Variants in MICU1 observed in about 807,000 individuals in gnomAD.
MICU1 encodes mitochondrial calcium uptake 1, also known as calcium uptake protein 1, mitochondrial.
Under a neutral mutation model 56.8 loss-of-function variants are expected in MICU1, and 45 were observed. The ratio of observed to expected loss-of-function variants is 0.79; its 90% CI spans 0.62 to 1.02. MICU1 has a LOEUF of 1.02. Among genes scored for constraint, MICU1 ranks in the 50% least tolerant of loss-of-function variants. MICU1 has a pLI of 0.00. For missense variants in MICU1, 504 were observed against 587.1 expected (o/e 0.86, Z 1.46); for synonymous variants, 186 against 195.1 (o/e 0.95, Z 0.39).
intron 9 of MICU1, among the ~76,000 whole-genome samples, chr10:72,410,265 T>C (rs1482606718): frequency 6.6e-6 from 1 of 152,220 alleles, no homozygotes; most frequent in Non-Finnish European, 1.5e-5. Context: ...TTGGGCTGTT[T>C]CCAATTTTTG....
intron 8 of MICU1, among the ~76,000 whole-genome samples, chr10:72,471,140 A>G (rs942184457): frequency 1.3e-5 from 2 of 152,096 alleles, no homozygotes; most frequent in Non-Finnish European, 2.9e-5. Context: ...GCTGGAGTGC[A>G]GTGGCGCAAT....
chr10:72,540,722 C>A (rs929328170), intron 4 of MICU1, among the ~76,000 whole-genome samples: 1 of 152,186 alleles, frequency 6.6e-6, no homozygotes, highest in African/African-American at 2.4e-5. Flanking sequence ...GATTACTGAT[C>A]TCAAATATTT....
chr10:72,593,925 T>C (rs1248185322), intron 1 of MICU1, among the ~76,000 whole-genome samples: 1 of 152,160 alleles, frequency 6.6e-6, no homozygotes, highest in African/African-American at 2.4e-5. Flanking sequence ...CTTAATACTG[T>C]TAAGATACAA....
intron 9 of MICU1, among the ~76,000 whole-genome samples, chr10:72,410,181 T>C (rs1040440254): frequency 6.6e-6 from 1 of 152,246 alleles, no homozygotes; most frequent in African/African-American, 2.4e-5. Flanking sequence ...TGTGTGTATC[T>C]GTAGTTCATT....
At chr10:72,428,647 C>T (rs1864426714) in intron 8 of MICU1, among the ~76,000 whole-genome samples, 1 of 152,114 alleles carries the variant, frequency 6.6e-6, no homozygotes, top group East Asian at 1.9e-4. Flanking sequence ...GAAAAAATTT[C>T]AGGTTGGTGA....
intron 3 of MICU1, among the ~76,000 whole-genome samples, chr10:72,558,403 CAGGCAA>C (rs1174278358): frequency 6.6e-6 from 1 of 152,136 alleles, no homozygotes; most frequent in African/African-American, 2.4e-5. Flanking sequence ...AGTCTGAAAA[CAGGCAA>C]AGCAATTAGG....
chr10:72,456,124 A>G (rs904996417), intron 8 of MICU1, among the ~76,000 whole-genome samples: 1 of 152,174 alleles, frequency 6.6e-6, no homozygotes, highest in Non-Finnish European at 1.5e-5. Context: ...CGGTGGGTTG[A>G]GAAAGGCAAT....
At chr10:72,505,232 G>A (rs971527982) in intron 6 of MICU1, among the ~76,000 whole-genome samples, 2 of 152,130 alleles carry the variant, frequency 1.3e-5, no homozygotes, top group South Asian at 4.1e-4. Context: ...GCCTGCCTTG[G>A]CCTCCCAAAG....
intron 1 of MICU1, among the ~76,000 whole-genome samples, chr10:72,618,074 G>A (rs575608400): frequency 2.6e-5 from 4 of 151,868 alleles, no homozygotes; most frequent in African/African-American, 9.7e-5. Context: ...GGCTGAGGCA[G>A]GAGATTCGCT....
At chr10:72,600,149 G>C (rs1426723000) in intron 1 of MICU1, among the ~76,000 whole-genome samples, 2 of 151,852 alleles carry the variant, frequency 1.3e-5, no homozygotes, top group African/African-American at 4.8e-5. Flanking sequence ...AAAATTAGCG[G>C]GACATGATGG....
Position 72,377,089 on chromosome 10 carries a change from C to T in MICU1, c.1181-1217G>A, listed in dbSNP as rs572897117. Among the ~76,000 whole-genome samples, 65 of 151,708 alleles carry T rather than the reference C, an allele frequency of 4.3e-4. 1 individual carries two copies. Among genetic ancestry groups the T allele is most frequent in the African/African-American group, 1.5e-3 (63 of 41,390 alleles). The stretch of plus-strand genomic sequence containing the variant: ...CCAACTGAGCCCATTGGTATATGCA[C>T]TGGCCCTTGTCTTAACAGTTCAGGA... On this transcript the variant is annotated intron_variant, in intron 10 of 11. Coordinates refer to ENST00000361114, the MANE Select transcript of MICU1 (RefSeq NM_001195518.2).
intron 5 of MICU1, among the ~76,000 whole-genome samples, chr10:72,522,855 T>C (rs1214033772): frequency 6.6e-6 from 1 of 152,186 alleles, no homozygotes; most frequent in African/African-American, 2.4e-5. Flanking sequence ...GTGATACTCA[T>C]AGAACACAAT....
chr10:72,611,081 G>A (rs530337012), intron 1 of MICU1, among the ~76,000 whole-genome samples: 17 of 152,118 alleles, frequency 1.1e-4, no homozygotes, highest in African/African-American at 3.6e-4. Flanking sequence ...GAGGCGGGCG[G>A]ATCACGAGGT....
chr10:72,424,529 C>T (rs184491618), intron 8 of MICU1, among the ~76,000 whole-genome samples: 1 of 151,834 alleles, frequency 6.6e-6, no homozygotes, highest in Admixed American at 6.6e-5. Flanking sequence ...TGTTGCCAGG[C>T]TGGTCTTGAA....
At chr10:72,528,517 G>A (rs1162201112) in intron 5 of MICU1, among the ~76,000 whole-genome samples, 1 of 152,122 alleles carries the variant, frequency 6.6e-6, no homozygotes, top group East Asian at 1.9e-4. Flanking sequence ...AAGAGAGAGA[G>A]GGAAAGACAT....
intron 8 of MICU1, among the ~76,000 whole-genome samples, chr10:72,463,363 G>A (rs1006801962): frequency 1.2e-4 from 18 of 151,944 alleles, no homozygotes; most frequent in Non-Finnish European, 2.2e-4. Flanking sequence ...GCGCCCGGCC[G>A]CACTTTTAAT....
intron 1 of MICU1, among the ~76,000 whole-genome samples, chr10:72,608,231 G>A (rs944576959): frequency 4.6e-5 from 7 of 152,002 alleles, no homozygotes; most frequent in South Asian, 2.1e-4. Flanking sequence ...ACCAAGCCCC[G>A]CTAATTTTTG....
chr10:72,593,151 C>A (rs1179220445), intron 1 of MICU1, among the ~76,000 whole-genome samples: 1 of 151,994 alleles, frequency 6.6e-6, no homozygotes, highest in East Asian at 1.9e-4. Flanking sequence ...TCAAAATAAG[C>A]CATATATGGA....
chr10:72,608,719 G>T (rs774213223), intron 1 of MICU1, among the ~76,000 whole-genome samples: 3 of 152,210 alleles, frequency 2.0e-5, no homozygotes, highest in Non-Finnish European at 4.4e-5. Context: ...CATATTTTAA[G>T]ATCGGCCTAA....
Sources: allele counts gnomAD v4.1 joint callset (sites outside exome capture counted in the v4.1 genomes callset), GRCh38; gene constraint gnomAD v4.1.1; transcripts MANE v1.5; gene names NCBI Gene and HGNC (gene_info 2026-07-23, HGNC 2026-07-21).